KLK7: variants seen among roughly 807,000 people sequenced by gnomAD.
The protein encoded by KLK7 is kallikrein related peptidase 7.
KLK7 carries 17 observed loss-of-function variants against 21.0 expected under a neutral mutation model. The observed-to-expected ratio is 0.81, with a 90% CI of 0.55 to 1.21. KLK7 has a LOEUF of 1.21. KLK7 is among the 50% of genes most tolerant of loss of function. KLK7 has a pLI of 0.00. For missense variants in KLK7, 330 were observed against 322.8 expected, an observed-to-expected ratio of 1.02 and a Z score of -0.17; for synonymous variants, 151 against 134.6, an observed-to-expected ratio of 1.12 and a Z score of -0.85.
chr19:50,979,888 T>C lies in KLK7; in HGVS notation c.506A>G (p.Lys169Arg). ...CGTGCAGTCCTGGGGGGAGATGAGC[T>C]TGACATCCACGCACATGAGGTCAGA... ...FPSDLMCVDVKLISPQDCTKV... is the reference protein window; with the variant it reads ...FPSDLMCVDVRLISPQDCTKV... The change falls in exon 5 of 6, where the codon AAG (lysine) becomes AGG (arginine). Residue 169 changes from lysine to arginine, a missense_variant. By Grantham distance (26) the Lys-to-Arg change is conservative (BLOSUM62 2). Transcript: ENST00000595820. 6.3e-7 allele frequency: 1 copy of C among 1,593,978 alleles called. No individual in the cohort carries two copies. Among genetic ancestry groups the C allele is most frequent in the Non-Finnish European group, 8.5e-7 (1 of 1,170,174 alleles).
intron 3 of KLK7, 33 bp downstream of exon 3, chr19:50,981,734 T>C (rs1991819): frequency 0.62 from 937,158 of 1,516,070 alleles, 294,791 homozygotes; most frequent in Admixed American, 0.68. Flanking sequence ...GAGACGCTGG[T>C]GCACCTCCAG....
chr19:50,976,954 A>G lies in KLK7; in HGVS notation c.*582T>C. On this transcript the variant is annotated 3_prime_UTR_variant, in exon 6 of 6. Transcript: ENST00000595820. ...CAGGTACTTGGGAGGCTGAAGCACGAGAATCACTTGAACCCAGGAGGCGGA... is the reference window on the plus strand; with the variant it reads ...CAGGTACTTGGGAGGCTGAAGCACGGGAATCACTTGAACCCAGGAGGCGGA... The G allele has an allele frequency of 6.6e-6, 1 of 152,610 alleles. No individual in the cohort carries two copies. Among genetic ancestry groups the G allele is most frequent in the East Asian group, 1.9e-4 (1 of 5,186 alleles). The allele number at this position is 152,610 out of a possible 1,614,324, so 9.5% of individuals were successfully genotyped here.
chr19:50,981,659 C>A (rs1469435466), intron 3 of KLK7, 108 bp downstream of exon 3: 1 of 1,083,438 alleles, frequency 9.2e-7, no homozygotes. Context: ...AGGACAGAGA[C>A]CCAGAGAGAG....
Position 50,983,209 on chromosome 19 carries a change from GCCCCAGCCC to G in KLK7, c.-59+633_-59+641del, listed in dbSNP as rs1568550330. Reference sequence around the variant, plus strand: ...TCCTCCCTCAGGCCCAGGAGTCCAGGCCCCAGCCCCTCCTCCCTCAGACCCAGGAGTCCA... The same window carrying G: ...TCCTCCCTCAGGCCCAGGAGTCCAGGCTCCTCCCTCAGACCCAGGAGTCCA... On this transcript the variant is annotated intron_variant, in intron 1 of 5. Coordinates refer to ENST00000595820, the MANE Select transcript of KLK7 (RefSeq NM_005046.4). Among the ~76,000 whole-genome samples the G allele has an allele frequency of 3.1e-4, 35 of 111,116 alleles. 9 individuals carry two copies. Among genetic ancestry groups the G allele is most frequent in the African/African-American group, 6.5e-4 (17 of 26,168 alleles). 72.9% of individuals were successfully genotyped at this position (111,116 alleles called of 152,430 possible). A position where few individuals can be genotyped will look rare whatever the true frequency, so the allele number is the denominator to read the frequency against.
At position 50,982,527 on chromosome 19, in the gene KLK7, C is replaced by T. The variant is rs796785317; in HGVS notation, c.-58-70G>A. ...CCCAGGGGTCCAGGCCCCAGCCCCT[C>T]CCCCCACAGACCCAGGAGTCCAGGC... On this transcript the variant is annotated intron_variant, in intron 1 of 5. Transcript: ENST00000595820. 8 of 1,394,856 alleles carry T rather than the reference C, an allele frequency of 5.7e-6. No homozygotes were observed. In the South Asian group the frequency reaches 9.7e-5, roughly 17 times the overall value. The allele number at this position is 1,394,856 out of a possible 1,614,324, so 86.4% of individuals were successfully genotyped here.
intron 5 of KLK7, among the ~76,000 whole-genome samples, chr19:50,978,519 A>G (rs945110463): frequency 2.7e-5 from 4 of 148,076 alleles, no homozygotes; most frequent in Non-Finnish European, 3.0e-5. Context: ...GAGAAGAGAG[A>G]CAGACAAAGA....
At chr19:50,982,520 A>G in intron 1 of KLK7, 63 bp from the exon 2 acceptor site, 1 of 1,339,988 alleles carries the variant, frequency 7.5e-7, no homozygotes, top group Non-Finnish European at 9.7e-7. Flanking sequence ...TCCAGGCCCC[A>G]GCCCCTCCCC....
chr19:50,981,473 C>T (rs569464635), intron 3 of KLK7, among the ~76,000 whole-genome samples: 1 of 116,816 alleles, frequency 8.6e-6, no homozygotes, highest in Non-Finnish European at 1.7e-5. Flanking sequence ...GGACAGAGAC[C>T]CAGAGAGAGA....
chr19:50,982,234 G>A, intron 2 of KLK7, 93 bp downstream of exon 2: 1 of 1,493,182 alleles, frequency 6.7e-7, no homozygotes, highest in Admixed American at 2.0e-5. Context: ...GATGGAAGCT[G>A]TTTGAGGAGG....
rs1014357275 is a variant in KLK7, at chr19:50,978,467, G to GGA, written c.607-778_607-777dup. Among the ~76,000 whole-genome samples, 124 of 147,626 alleles carry GGA rather than the reference G, an allele frequency of 8.4e-4. 2 individuals carry two copies. In the East Asian group the frequency reaches 0.025, roughly 29 times the overall value. Reference sequence around the variant, plus strand: ...GATGAGGAAGAGGGAAAGGGTATGGGGAGAGAGAGAGACAGAGAGATGGGG... The same window carrying GGA: ...GATGAGGAAGAGGGAAAGGGTATGGGGAGAGAGAGAGAGACAGAGAGATGGGG... On this transcript the variant is annotated intron_variant, in intron 5 of 5. Coordinates refer to ENST00000595820, the MANE Select transcript of KLK7 (RefSeq NM_005046.4).
Position 50,977,270 on chromosome 19 carries a change from T to C in KLK7, c.*266A>G. 2.5e-6 allele frequency: 1 copy of C among 400,412 alleles called. No individual in the cohort carries two copies. Among genetic ancestry groups the C allele is most frequent in the Non-Finnish European group, 4.5e-6 (1 of 223,562 alleles). The allele number at this position is 400,412 out of a possible 1,614,324, so 24.8% of individuals were successfully genotyped here. On this transcript the variant is annotated 3_prime_UTR_variant, in exon 6 of 6. Coordinates refer to ENST00000595820, the MANE Select transcript of KLK7 (RefSeq NM_005046.4). Reference sequence around the variant, plus strand: ...CTCGGTGTACGTTGACCAAGTGTCTTCCGTAAAGACTGTACGAACGTCCAG... The same window carrying C: ...CTCGGTGTACGTTGACCAAGTGTCTCCCGTAAAGACTGTACGAACGTCCAG...
At chr19:50,981,717 C>A (rs111511472) in intron 3 of KLK7, 50 bp downstream of exon 3, 2 of 1,504,058 alleles carry the variant, frequency 1.3e-6, no homozygotes, top group Non-Finnish European at 8.9e-7. Flanking sequence ...ACCCCCATAG[C>A]GAGCTGGAGA....
chr19:50,978,923 A>C, intron 5 of KLK7, among the ~76,000 whole-genome samples: 1 of 142,428 alleles, frequency 7.0e-6, no homozygotes, highest in African/African-American at 2.6e-5. Flanking sequence ...GAGGGAGGGG[A>C]GGAGAGAGAG....
In KLK7 at chr19:50,977,586, C is replaced by G; in HGVS notation, c.712G>C (p.Val238Leu). Residue 238 changes from valine to leucine, a missense_variant, in exon 6 of 6, where the codon GTG (valine) becomes CTG (leucine). Coordinates refer to ENST00000595820, the MANE Select transcript of KLK7 (RefSeq NM_005046.4). ...QPNDPGVYTQ[V>L]CKFTKWINDT... Reference sequence around the variant, plus strand: ...TTTATCCACTTGGTGAACTTGCACACTTGAGTGTAGACTCCTGGGTCATTG... The same window carrying G: ...TTTATCCACTTGGTGAACTTGCACAGTTGAGTGTAGACTCCTGGGTCATTG... 1 of 1,613,984 alleles carries G rather than the reference C, an allele frequency of 6.2e-7. No individual in the cohort carries two copies.
chr19:50,979,969 G>C (rs757002038), intron 4 of KLK7, 45 bp from the exon 5 acceptor site: 2 of 1,565,736 alleles, frequency 1.3e-6, no homozygotes, highest in African/African-American at 2.7e-5. Context: ...GAGGATGGGG[G>C]CGAGGACCAG....
At position 50,979,861 on chromosome 19, in the gene KLK7, T is replaced by C. The variant is rs780507301; in HGVS notation, c.533A>G (p.Lys178Arg). 1.1e-5 allele frequency: 18 copies of C among 1,587,020 alleles called. No individual in the cohort carries two copies. The Admixed American group carries it at 2.3e-4, about 21-fold the overall frequency. ...ATTTTCCAGTAAGTCCTTGTAAACC[T>C]TCGTGCAGTCCTGGGGGGAGATGAG... ...VKLISPQDCT[K>R]VYKDLLENSM... The change falls in exon 5 of 6, where the codon AAG (lysine) becomes AGG (arginine). Residue 178 changes from lysine (K) to arginine (R), a missense_variant. Lys to Arg is a conservative substitution (Grantham distance 26). Transcript: ENST00000595820.
intron 5 of KLK7, among the ~76,000 whole-genome samples, chr19:50,978,720 G>T (rs1600108997): frequency 3.4e-5 from 5 of 148,730 alleles, no homozygotes; most frequent in East Asian, 2.0e-4. Flanking sequence ...AGACAGAGAT[G>T]GGGGAGCGGC....
chr19:50,979,684 G>A lies in KLK7; in HGVS notation c.606+104C>T. 5.1e-6 allele frequency: 6 copies of A among 1,178,280 alleles called. 1 individual carries two copies. The South Asian group carries it at 8.8e-5, about 17-fold the overall frequency. 73.0% of individuals were successfully genotyped at this position (1,178,280 alleles called of 1,614,324 possible). A position where few individuals can be genotyped will look rare whatever the true frequency, so the allele number is the denominator to read the frequency against. ...CTGAGGAGGCCAGGCCTGGGGGGAG[G>A]GCAAGGCCGGGCTTGGTACCCAGTC... is the stretch of plus-strand genomic sequence containing the variant. On this transcript the variant is annotated intron_variant, in intron 5 of 5. Coordinates refer to ENST00000595820, the MANE Select transcript of KLK7 (RefSeq NM_005046.4).
intron 5 of KLK7, among the ~76,000 whole-genome samples, chr19:50,979,404 T>C (rs569799818): frequency 9.2e-5 from 14 of 152,266 alleles, no homozygotes; most frequent in Non-Finnish European, 1.6e-4. Context: ...ATTTAAAATG[T>C]GACATTTTGT....
Sources: allele counts gnomAD v4.1 joint callset (sites outside exome capture counted in the v4.1 genomes callset), GRCh38; gene constraint gnomAD v4.1.1; transcripts MANE v1.5; gene names NCBI Gene and HGNC (gene_info 2026-07-23, HGNC 2026-07-21).